The following IFRD1 variants were observed in gnomAD, a reference collection of about 807,000 sequenced individuals.
The protein encoded by IFRD1 is interferon related developmental regulator 1, also known as interferon-related developmental regulator 1.
Under a neutral mutation model 52.9 loss-of-function variants are expected in IFRD1, and 35 were observed. The observed-to-expected ratio is 0.66, with a 90% CI of 0.51 to 0.88. The LOEUF (loss-of-function observed/expected upper bound fraction) is 0.88, where lower values mean the gene tolerates loss of function less well. Ranked by LOEUF, IFRD1 falls within the 40% of genes least tolerant of loss-of-function variation. The probability of loss-of-function intolerance (pLI) is 0.00; values close to 1 mark genes in which losing one functional copy is unlikely to be tolerated. For synonymous variants in IFRD1, 184 were observed against 188.4 expected (o/e 0.98, Z 0.19); for missense variants, 517 against 550.8 (o/e 0.94, Z 0.61).
chr7:112,440,285 A>G (rs541607302), intron 1 of IFRD1, among the ~76,000 whole-genome samples: 1 of 152,246 alleles, frequency 6.6e-6, no homozygotes, highest in South Asian at 2.1e-4. Context: ...GCACTCGGTC[A>G]CAAAAGCCTT....
At chr7:112,469,467 G>A (rs1308519097) in intron 9 of IFRD1, among the ~76,000 whole-genome samples, 1 of 152,006 alleles carries the variant, frequency 6.6e-6, no homozygotes, top group Admixed American at 6.6e-5. Flanking sequence ...TCAATATTAA[G>A]AATTAAAAAT....
At chr7:112,473,150 C>T (rs1795806118) in intron 11 of IFRD1, among the ~76,000 whole-genome samples, 2 of 151,904 alleles carry the variant, frequency 1.3e-5, no homozygotes, top group Admixed American at 6.6e-5. Flanking sequence ...CTTGTTTGCC[C>T]ATTAGGTGTA....
chr7:112,450,884 C>T (rs55884191), intron 1 of IFRD1, 102 bp downstream of exon 1: 55,237 of 818,964 alleles, frequency 0.067, 2,128 homozygotes, highest in South Asian at 0.1. Context: ...CTGATGTACA[C>T]ATTTGCATTT....
chr7:112,424,761 C>T (rs1474669230), intron 1 of IFRD1, among the ~76,000 whole-genome samples: 1 of 152,164 alleles, frequency 6.6e-6, no homozygotes, highest in Non-Finnish European at 1.5e-5. Context: ...TTCATTGACC[C>T]ACTGGTAGTT....
intron 1 of IFRD1, among the ~76,000 whole-genome samples, chr7:112,454,749 G>A (rs1795244735): frequency 6.7e-6 from 1 of 148,930 alleles, no homozygotes; most frequent in Admixed American, 6.7e-5. Flanking sequence ...AAATATATTT[G>A]TCTTATTCTT....
chr7:112,458,548 T>C (rs1795350979), intron 4 of IFRD1, among the ~76,000 whole-genome samples: 1 of 152,188 alleles, frequency 6.6e-6, no homozygotes. Flanking sequence ...GAAACACATT[T>C]AGTTGAACTG....
rs772739232 is a variant in IFRD1, at chr7:112,472,828, G to A, written c.1233G>A (p.Thr411=). Residue 411 remains threonine, a synonymous_variant, in exon 11 of 12, where the codon ACG becomes ACA. Transcript: ENST00000403825. The part of the protein sequence containing the change: ...LGPPVMLDAA[T]LKTMKISRFE... ...CCCCAGTGATGCTTGATGCTGCAAC[G>A]CTTAAAACGATGAAGATTTCTCGTT... The A allele has an allele frequency of 3.1e-6, 5 of 1,613,122 alleles. No homozygotes were observed. Among genetic ancestry groups the A allele is most frequent in the African/African-American group, 1.3e-5 (1 of 74,866 alleles).
At chr7:112,467,926 G>A (rs757543294) in intron 8 of IFRD1, 55 bp from the exon 9 acceptor site, 4 of 1,409,998 alleles carry the variant, frequency 2.8e-6, no homozygotes, top group Non-Finnish European at 4.0e-6. Context: ...AGCTCTATAT[G>A]AGGTCAGAAA....
intron 1 of IFRD1, among the ~76,000 whole-genome samples, chr7:112,425,389 G>A (rs551627817): frequency 1.3e-5 from 2 of 152,336 alleles, no homozygotes; most frequent in African/African-American, 4.8e-5. Flanking sequence ...ACCATCCAAC[G>A]TGGGCTGGGG....
chr7:112,461,624 G>A (rs894158725), intron 5 of IFRD1: 13 of 281,934 alleles, frequency 4.6e-5, no homozygotes, highest in African/African-American at 2.9e-4. Flanking sequence ...AGACTGAAGA[G>A]GAACAGAATC....
intron 1 of IFRD1, 194 bp downstream of exon 1, chr7:112,450,976 G>C: frequency 1.6e-6 from 1 of 617,678 alleles, no homozygotes; most frequent in Non-Finnish European, 2.9e-6. Flanking sequence ...GATCTGGCGT[G>C]CGAACCGGAC....
intron 5 of IFRD1, chr7:112,461,617 C>G: frequency 3.8e-6 from 1 of 265,442 alleles, no homozygotes; most frequent in Non-Finnish European, 6.9e-6. Flanking sequence ...TAAAAGAAGA[C>G]TGAAGAGGAA....
At position 112,462,305 on chromosome 7, in the gene IFRD1, A is replaced by C; in HGVS notation, c.833A>C (p.Asp278Ala). Reference protein sequence around the residue: ...FHKLPSLLSCDDVNMRIAAGE... With the variant: ...FHKLPSLLSCADVNMRIAAGE... ...AAGCTTCCAAGCCTCCTCTCTTGTG[A>C]TGATGTAAACATGAGAATAGCTGCT... is the stretch of plus-strand genomic sequence containing the variant. Residue 278 changes from aspartate (D) to alanine (A), a missense_variant, in exon 8 of 12, where the codon GAT (aspartate) becomes GCT (alanine). Asp to Ala is a moderately radical substitution (Grantham distance 126, BLOSUM62 -2). Coordinates refer to ENST00000403825, the MANE Select transcript of IFRD1 (RefSeq NM_001550.4). The C allele has an allele frequency of 6.2e-7, 1 of 1,613,762 alleles. No homozygotes were observed. Among genetic ancestry groups the C allele is most frequent in the Non-Finnish European group, 8.5e-7 (1 of 1,179,740 alleles).
chr7:112,435,949 C>A (rs1794679243), intron 1 of IFRD1, among the ~76,000 whole-genome samples: 1 of 149,868 alleles, frequency 6.7e-6, no homozygotes, highest in Non-Finnish European at 1.5e-5. Flanking sequence ...ATGGCATGAT[C>A]TCAGCTCACT....
chr7:112,429,904 G>A (rs1794510536), intron 1 of IFRD1, among the ~76,000 whole-genome samples: 1 of 152,168 alleles, frequency 6.6e-6, no homozygotes, highest in Non-Finnish European at 1.5e-5. Flanking sequence ...ATAAAATATA[G>A]AATGTTACTA....
intron 1 of IFRD1, 132 bp downstream of exon 1, chr7:112,450,914 T>A: frequency 1.4e-6 from 1 of 718,988 alleles, no homozygotes; most frequent in Non-Finnish European, 2.5e-6. Context: ...GTGGTTTGGC[T>A]ACTGAACTAC....
rs1199182630 is a variant in IFRD1 at position 112,476,196 on chromosome 7, C to T, written c.*677C>T. On this transcript the variant is annotated 3_prime_UTR_variant, in exon 12 of 12. Coordinates refer to ENST00000403825, the MANE Select transcript of IFRD1 (RefSeq NM_001550.4). Reference sequence around the variant, plus strand: ...AAGATTTTTTTCCACACTGAAAGTGCTTCTCTTCTAATAGAAGAAATATTA... The same window carrying T: ...AAGATTTTTTTCCACACTGAAAGTGTTTCTCTTCTAATAGAAGAAATATTA... 2.0e-5 allele frequency: 3 copies of T among 152,260 alleles called. No homozygotes were observed. The highest frequency in any genetic ancestry group is 7.2e-5 in the African/African-American group (3 of 41,466). The allele number at this position is 152,260 out of a possible 1,614,324, so 9.4% of individuals were successfully genotyped here.
intron 1 of IFRD1, among the ~76,000 whole-genome samples, chr7:112,428,135 T>C (rs1425814440): frequency 6.6e-6 from 1 of 152,198 alleles, no homozygotes; most frequent in Non-Finnish European, 1.5e-5. Flanking sequence ...GTAAAAACTT[T>C]CAAGGCATTT....
intron 1 of IFRD1, among the ~76,000 whole-genome samples, chr7:112,453,443 A>G (rs1376167746): frequency 6.6e-6 from 1 of 152,128 alleles, no homozygotes; most frequent in African/African-American, 2.4e-5. Flanking sequence ...TTTTCTTGAT[A>G]CATATATATG....
Sources: gnomAD v4.1 joint callset for allele counts (sites outside exome capture counted in the v4.1 genomes callset) on GRCh38, gnomAD v4.1.1 for gene constraint, MANE v1.5 for transcripts, NCBI Gene and HGNC (gene_info 2026-07-23, HGNC 2026-07-21) for gene names.